TLL2: variants seen among roughly 807,000 people sequenced by gnomAD.
TLL2 encodes the protein tolloid-like protein 2.
In TLL2, 106 loss-of-function variants were observed where a neutral mutation model predicts 123.0. The ratio of observed to expected loss-of-function variants is 0.86; its 90% CI spans 0.74 to 1.01. The LOEUF (loss-of-function observed/expected upper bound fraction) is 1.01. TLL2 is among the 50% of genes least tolerant of loss of function. TLL2 has a pLI of 0.00. For synonymous variants in TLL2, 494 were observed against 516.8 expected (o/e 0.96, Z 0.60); for missense variants, 1,332 against 1,336.7 (o/e 1.00, Z 0.06).
chr10:96,412,437 C>G (rs1351522089), intron 8 of TLL2, among the ~76,000 whole-genome samples: 1 of 152,184 alleles, frequency 6.6e-6, no homozygotes, highest in African/African-American at 2.4e-5. Flanking sequence ...CTCAGCTGCC[C>G]TAACCAGTGC....
chr10:96,370,051 T>A lies in TLL2; in HGVS notation c.2913+14A>T, dbSNP rs773573656. ...ATCACACTCTGCCCCGGCCCCAGCG[T>A]CTCCGGGACTTACCCCAGAGCCACA... On this transcript the variant is annotated intron_variant, in intron 20 of 20. Coordinates refer to ENST00000357947, the MANE Select transcript of TLL2 (RefSeq NM_012465.4). 3.2e-6 allele frequency: 5 copies of A among 1,558,632 alleles called. No individual in the cohort carries two copies. The Admixed American group carries it at 9.3e-5, about 29-fold the overall frequency.
At chr10:96,513,221 C>T (rs967032944) in intron 1 of TLL2, among the ~76,000 whole-genome samples, 1 of 152,124 alleles carries the variant, frequency 6.6e-6, no homozygotes, top group African/African-American at 2.4e-5. Flanking sequence ...GGCCCTGGCA[C>T]CCACCCCGGC....
intron 3 of TLL2, among the ~76,000 whole-genome samples, chr10:96,435,763 T>C (rs889967837): frequency 3.3e-5 from 5 of 152,236 alleles, no homozygotes; most frequent in Non-Finnish European, 7.3e-5. Flanking sequence ...CAAAATCAAC[T>C]GGCCATCCTT....
chr10:96,504,502 C>T (rs1245392086), intron 1 of TLL2, among the ~76,000 whole-genome samples: 2 of 152,110 alleles, frequency 1.3e-5, no homozygotes, highest in Non-Finnish European at 2.9e-5. Flanking sequence ...CCCAGCTACT[C>T]AGGAGGCTGA....
chr10:96,386,010 C>T, intron 15 of TLL2, 45 bp downstream of exon 15: 2 of 1,460,486 alleles, frequency 1.4e-6, no homozygotes, highest in Non-Finnish European at 1.8e-6. Flanking sequence ...AGCTCTGAGT[C>T]ACCCCTCAAT....
At chr10:96,506,152 T>C (rs1847575839) in intron 1 of TLL2, among the ~76,000 whole-genome samples, 2 of 142,082 alleles carry the variant, frequency 1.4e-5, no homozygotes, top group South Asian at 4.5e-4. Flanking sequence ...CTCAGGAGGC[T>C]GAGGCAGGAC....
chr10:96,406,965 CT>C (rs1846457533), intron 9 of TLL2, among the ~76,000 whole-genome samples: 1 of 152,110 alleles, frequency 6.6e-6, no homozygotes, highest in Admixed American at 6.5e-5. Context: ...GCCTCACCCC[CT>C]CCTGGATTGC....
intron 6 of TLL2, among the ~76,000 whole-genome samples, chr10:96,421,972 A>G (rs1846628373): frequency 6.6e-6 from 1 of 152,260 alleles, no homozygotes; most frequent in African/African-American, 2.4e-5. Flanking sequence ...AGCATTTGTA[A>G]GGCAATCATA....
At chr10:96,457,426 G>C (rs749991598) in intron 2 of TLL2, among the ~76,000 whole-genome samples, 47 of 152,292 alleles carry the variant, frequency 3.1e-4, no homozygotes, top group Non-Finnish European at 4.3e-4. Flanking sequence ...TCATTTAGTC[G>C]GAGGAAAGGG....
chr10:96,441,660 C>T (rs935798112), intron 3 of TLL2, among the ~76,000 whole-genome samples: 2 of 152,188 alleles, frequency 1.3e-5, no homozygotes, highest in Non-Finnish European at 2.9e-5. Context: ...ACTTCCCCTT[C>T]GGAGCCTCAC....
At chr10:96,491,152 A>T (rs1847408582) in intron 1 of TLL2, among the ~76,000 whole-genome samples, 1 of 152,184 alleles carries the variant, frequency 6.6e-6, no homozygotes, top group South Asian at 2.1e-4. Flanking sequence ...AGGCTGGGGC[A>T]GGCGGATCGC....
At chr10:96,496,115 T>C (rs1358773086) in intron 1 of TLL2, among the ~76,000 whole-genome samples, 3 of 152,168 alleles carry the variant, frequency 2.0e-5, no homozygotes, top group Non-Finnish European at 2.9e-5. Context: ...CATGGGCTTT[T>C]CCTACACCAG....
At chr10:96,391,194 G>C (rs962044770) in intron 13 of TLL2, among the ~76,000 whole-genome samples, 2 of 152,188 alleles carry the variant, frequency 1.3e-5, no homozygotes, top group Non-Finnish European at 1.5e-5. Flanking sequence ...CAGGGAAACT[G>C]AGCCCCATTC....
At chr10:96,472,511 C>T (rs576362185) in intron 2 of TLL2, among the ~76,000 whole-genome samples, 1 of 152,242 alleles carries the variant, frequency 6.6e-6, no homozygotes, top group Non-Finnish European at 1.5e-5. Context: ...CTTATAATCC[C>T]AATACTTTGG....
Position 96,384,842 on chromosome 10 carries a change from G to A in TLL2, c.2014-75C>T, listed in dbSNP as rs1846218328. 2.1e-6 allele frequency: 3 copies of A among 1,400,190 alleles called. No homozygotes were observed. In the African/African-American group the frequency reaches 4.4e-5, roughly 20 times the overall value. The allele number at this position is 1,400,190 out of a possible 1,614,324, so 86.7% of individuals were successfully genotyped here. On this transcript the variant is annotated intron_variant, in intron 15 of 20. Transcript: ENST00000357947. ...AGACCCCCAGCACACTGCTGCACCT[G>A]CTTCCTGAGCGCCTCACCCTACCGT...
At position 96,428,705 on chromosome 10, in the gene TLL2, C is replaced by T; in HGVS notation, c.564G>A (p.Glu188=). The part of the protein sequence containing the change: ...AIFKQAMRHW[E]KHTCVTFIER... ...CTATGAAGGTCACACAGGTGTGCTT[C>T]TCCCAGTGTCTCATGGCCTGCTTAA... Residue 188 remains glutamate (E), a synonymous_variant, in exon 5 of 21, where the codon GAG becomes GAA. Coordinates refer to ENST00000357947, the MANE Select transcript of TLL2 (RefSeq NM_012465.4). The T allele has an allele frequency of 6.2e-7, 1 of 1,614,124 alleles. No homozygotes were observed. The highest frequency in any genetic ancestry group is 8.5e-7 in the Non-Finnish European group (1 of 1,179,970).
At chr10:96,485,171 CA>C (rs35350945) in intron 1 of TLL2, among the ~76,000 whole-genome samples, 1 of 151,922 alleles carries the variant, frequency 6.6e-6, no homozygotes, top group Non-Finnish European at 1.5e-5. Context: ...GAGCTAAAAC[CA>C]AAAAACTATT....
intron 3 of TLL2, 45 bp downstream of exon 3, chr10:96,446,046 G>T (rs1341024640): frequency 6.3e-7 from 1 of 1,594,246 alleles, no homozygotes; most frequent in Non-Finnish European, 8.6e-7. Context: ...TTCCACAACT[G>T]AAAGAAAACA....
At chr10:96,455,677 C>T (rs1167038454) in intron 2 of TLL2, among the ~76,000 whole-genome samples, 3 of 152,230 alleles carry the variant, frequency 2.0e-5, no homozygotes, top group Admixed American at 1.3e-4. Context: ...CCTATATGAT[C>T]TAAAACGGGG....
Sources: allele counts gnomAD v4.1 joint callset (sites outside exome capture counted in the v4.1 genomes callset), GRCh38; gene constraint gnomAD v4.1.1; transcripts MANE v1.5; gene names NCBI Gene and HGNC (gene_info 2026-07-23, HGNC 2026-07-21).